Variants in FAS observed in about 807,000 individuals in gnomAD.
FAS encodes Fas cell surface death receptor, also known as tumor necrosis factor receptor superfamily member 6.
In FAS, 5 loss-of-function variants were observed where a neutral mutation model predicts 33.2. The ratio of observed to expected loss-of-function variants is 0.15; its 90% CI spans 0.08 to 0.32. The LOEUF (loss-of-function observed/expected upper bound fraction) is 0.32, where lower values mean the gene tolerates loss of function less well. Among genes scored for constraint, FAS ranks in the 10% least tolerant of loss-of-function variants. The pLI, the probability that FAS is intolerant of heterozygous loss-of-function variation, is 1.00. For synonymous variants in FAS, 131 were observed against 130.7 expected (o/e 1.00, Z -0.01); for missense variants, 339 against 386.0 (o/e 0.88, Z 1.02).
chr10:89,003,532 A>G (rs9658733), intron 2 of FAS, among the ~76,000 whole-genome samples: 3 of 152,168 alleles, frequency 2.0e-5, no homozygotes, highest in Non-Finnish European at 4.4e-5. Flanking sequence ...TACCATAACA[A>G]TAGTGGAACT....
At chr10:89,002,682 G>C in intron 1 of FAS, 1 of 334,218 alleles carries the variant, frequency 3.0e-6, no homozygotes, top group South Asian at 2.8e-5. Context: ...AAGCCTGTGA[G>C]GAAGAGGTTA....
chr10:88,998,030 A>C (rs1571011), intron 1 of FAS, among the ~76,000 whole-genome samples: 60,580 of 152,036 alleles, frequency 0.4, 12,311 homozygotes, highest in East Asian at 0.51. Context: ...TTTATATGTA[A>C]CACTAATGTC....
chr10:88,986,279 C>T (rs1846880139), upstream of FAS, among the ~76,000 whole-genome samples: 1 of 152,110 alleles, frequency 6.6e-6, no homozygotes, highest in South Asian at 2.1e-4. Flanking sequence ...AGGCATGCTT[C>T]TCATGTTTGT....
At chr10:89,009,343 A>G (rs985812695) in intron 4 of FAS, among the ~76,000 whole-genome samples, 2 of 152,220 alleles carry the variant, frequency 1.3e-5, no homozygotes, top group Admixed American at 1.3e-4. Context: ...ATACAGAAAA[A>G]CTTTTCAACT....
At chr10:88,979,872 T>C (rs1467236870) in intron 2 of FAS, among the ~76,000 whole-genome samples, 1 of 152,194 alleles carries the variant, frequency 6.6e-6, no homozygotes, top group African/African-American at 2.4e-5. Flanking sequence ...CTCACACATG[T>C]GTAAAGCACC....
At chr10:88,967,792 C>T (rs1432966414) in intron 1 of FAS, among the ~76,000 whole-genome samples, 2 of 152,202 alleles carry the variant, frequency 1.3e-5, no homozygotes, top group Admixed American at 6.5e-5. Flanking sequence ...ATGGCTCACA[C>T]ACCAGAACTC....
intron 1 of FAS, among the ~76,000 whole-genome samples, chr10:88,998,815 T>A (rs1289209724): frequency 6.6e-6 from 1 of 152,142 alleles, no homozygotes; most frequent in Non-Finnish European, 1.5e-5. Flanking sequence ...TGTTTAAAAT[T>A]TTAGAAGCTA....
At chr10:89,003,317 G>A in intron 2 of FAS, 123 bp downstream of exon 2, 2 of 995,490 alleles carry the variant, frequency 2.0e-6, no homozygotes, top group Non-Finnish European at 1.5e-6. Context: ...ATAACTGAGA[G>A]AAAAACAACT....
At position 89,010,539 on chromosome 10, in the gene FAS, ATG is replaced by A; in HGVS notation, c.447_448del (p.Cys149Ter). ...ATTTCTCCTGTATTTTTTTTTCTAG[ATG>A]TGAACATGGAATCATCAAGGAATGC... ...VCEHCDPCTK[C>X]EHGIIKECTL... On this transcript the variant is annotated frameshift_variant and splice_region_variant, in exon 5 of 9. Coordinates refer to ENST00000652046, the MANE Select transcript of FAS (RefSeq NM_000043.6). LOFTEE classifies it high-confidence loss of function. 6.2e-7 allele frequency: 1 copy of A among 1,612,916 alleles called. No homozygotes were observed. Among genetic ancestry groups the A allele is most frequent in the Non-Finnish European group, 8.5e-7 (1 of 1,179,134 alleles).
At chr10:88,973,128 C>A in intron 1 of FAS, 2 of 1,513,796 alleles carry the variant, frequency 1.3e-6, no homozygotes, top group Non-Finnish European at 1.8e-6. Context: ...TTAATTTTTC[C>A]TGGGCCTTGC....
At chr10:88,998,000 C>T (rs750123857) in intron 1 of FAS, among the ~76,000 whole-genome samples, 1 of 152,186 alleles carries the variant, frequency 6.6e-6, no homozygotes, top group African/African-American at 2.4e-5. Flanking sequence ...TTCTTGGGCT[C>T]AGCTGTGAGG....
Position 89,007,924 on chromosome 10 carries a change from C to T in FAS, c.334+87C>T, listed in dbSNP as rs552088345. 8 of 1,586,976 alleles carry T rather than the reference C, an allele frequency of 5.0e-6. No homozygotes were observed. The African/African-American group carries it at 9.4e-5, about 19-fold the overall frequency. ...TAAGACAATTTGAAATTGGGGCCTA[C>T]TGTGGTGCTATGTTGACACACAGGA... is the stretch of plus-strand genomic sequence containing the variant. On this transcript the variant is annotated intron_variant, in intron 3 of 8. Transcript: ENST00000652046.
upstream of FAS, among the ~76,000 whole-genome samples, chr10:88,983,799 A>C (rs1456370434): frequency 6.6e-6 from 1 of 152,224 alleles, no homozygotes; most frequent in East Asian, 1.9e-4. Context: ...GAAATTTCAG[A>C]AAGAACTTTG....
chr10:89,010,651 G>C, intron 5 of FAS, 51 bp downstream of exon 5: 1 of 1,607,586 alleles, frequency 6.2e-7, no homozygotes, highest in Non-Finnish European at 8.5e-7. Context: ...CCCATGGAAA[G>C]ATGTGAAGAA....
intron 1 of FAS, among the ~76,000 whole-genome samples, chr10:88,964,320 C>T (rs1050988000): frequency 1.3e-5 from 2 of 152,146 alleles, no homozygotes; most frequent in African/African-American, 4.8e-5. Flanking sequence ...ATGAGCAATT[C>T]TCAAAGAAGT....
At chr10:88,990,680 A>G (rs1336742597), upstream of FAS, 2 of 710,772 alleles carry the variant, frequency 2.8e-6, no homozygotes, top group Non-Finnish European at 5.1e-6. The surrounding 1 kb of genome is among the most constrained non-coding windows in gnomAD (Gnocchi z 4.9). Context: ...ACAGGTGTTC[A>G]AAGACGCTTC....
At chr10:88,986,692 A>G (rs12767306), upstream of FAS, among the ~76,000 whole-genome samples, 1 of 71,008 alleles carries the variant, frequency 1.4e-5, no homozygotes, top group Non-Finnish European at 3.0e-5. Context: ...GGAAGGAAGT[A>G]GTGCAGGAAG....
At chr10:89,013,493 C>A in intron 8 of FAS, 126 bp downstream of exon 8, 1 of 915,208 alleles carries the variant, frequency 1.1e-6, no homozygotes. Flanking sequence ...TCATACAATT[C>A]TACCTGCTCA....
intron 2 of FAS, among the ~76,000 whole-genome samples, chr10:89,006,272 A>G (rs946331559): frequency 1.3e-5 from 2 of 152,172 alleles, no homozygotes; most frequent in African/African-American, 4.8e-5. Flanking sequence ...TATTGCTACA[A>G]TGTTATATAG....
Sources: allele counts gnomAD v4.1 joint callset (sites outside exome capture counted in the v4.1 genomes callset), GRCh38; gene constraint gnomAD v4.1.1; non-coding constraint Gnocchi (gnomAD v3.1); transcripts MANE v1.5; gene names NCBI Gene and HGNC (gene_info 2026-07-23, HGNC 2026-07-21).